The following PLEKHG4B variants were observed in gnomAD, a reference collection of about 807,000 sequenced individuals.
PLEKHG4B encodes the protein pleckstrin homology domain-containing family G member 4B.
A neutral mutation model predicts 121.3 loss-of-function variants in PLEKHG4B; 111 were observed. The ratio of observed to expected loss-of-function variants is 0.92; its 90% CI spans 0.78 to 1.07. The LOEUF (loss-of-function observed/expected upper bound fraction) is 1.07, where lower values mean the gene tolerates loss of function less well. Among genes scored for constraint, PLEKHG4B ranks in the 50% least tolerant of loss-of-function variants. The probability of loss-of-function intolerance (pLI) is 0.00; values close to 1 mark genes in which losing one functional copy is unlikely to be tolerated. For synonymous variants in PLEKHG4B, 738 were observed against 725.0 expected (o/e 1.02, Z -0.29); for missense variants, 1,831 against 1,757.8 (o/e 1.04, Z -0.74).
intron 1 of PLEKHG4B, among the ~76,000 whole-genome samples, chr5:94,052 A>G (rs1177830198): frequency 6.6e-6 from 1 of 152,154 alleles, no homozygotes; most frequent in African/African-American, 2.4e-5. Flanking sequence ...TCAGACCTCC[A>G]AGGTGGGGCT....
rs1735910325 is a variant in PLEKHG4B at position 159,222 on chromosome 5, TCGCCCAGG to T, written c.2487+2312_2487+2319del. ...AGGGTGGCCCAGGTGTGCCTGAGGG[TCGCCCAGG>T]TGCACTGAGGGCAGGTGTGCCTGAG... On this transcript the variant is annotated intron_variant, in intron 11 of 19. Coordinates refer to ENST00000637938, the MANE Select transcript of PLEKHG4B (RefSeq NM_052909.5). This position sits in a 1 kb window ranked among gnomAD's most constrained non-coding sequence, Gnocchi z 5.5. Among the ~76,000 whole-genome samples, 1 of 116,810 alleles carries T rather than the reference TCGCCCAGG, an allele frequency of 8.6e-6. No individual in the cohort carries two copies. Among genetic ancestry groups the T allele is most frequent in the Non-Finnish European group, 1.7e-5 (1 of 57,386 alleles). 76.6% of individuals were successfully genotyped at this position (116,810 alleles called of 152,430 possible). A position where few individuals can be genotyped will look rare whatever the true frequency, so the allele number is the denominator to read the frequency against.
intron 2 of PLEKHG4B, among the ~76,000 whole-genome samples, chr5:124,392 G>A (rs1734553666): frequency 6.6e-6 from 1 of 152,180 alleles, no homozygotes; most frequent in Non-Finnish European, 1.5e-5. Context: ...CTGTTAGATG[G>A]AGTTGATTTA....
At chr5:102,339 T>C (rs1733846443) in intron 1 of PLEKHG4B, among the ~76,000 whole-genome samples, 1 of 152,200 alleles carries the variant, frequency 6.6e-6, no homozygotes, top group Non-Finnish European at 1.5e-5. Context: ...TTTGACTATA[T>C]TTTGTAAATG....
At chr5:149,775 G>A (rs1735542662) in intron 6 of PLEKHG4B, among the ~76,000 whole-genome samples, 1 of 152,160 alleles carries the variant, frequency 6.6e-6, no homozygotes, top group East Asian at 1.9e-4. Context: ...ATGAAAAGAT[G>A]TTCAATGTCA....
At chr5:165,361 C>T (rs1346387906) in intron 13 of PLEKHG4B, among the ~76,000 whole-genome samples, 1 of 26,052 alleles carries the variant, frequency 3.8e-5, no homozygotes, top group Non-Finnish European at 8.7e-5. Context: ...AATGCTCTGA[C>T]GGGGCGGGGC....
At chr5:94,025 G>A (rs1395345695) in intron 1 of PLEKHG4B, among the ~76,000 whole-genome samples, 1 of 152,288 alleles carries the variant, frequency 6.6e-6, no homozygotes, top group South Asian at 2.1e-4. Flanking sequence ...GCCATCTAGA[G>A]CCTCCTAACT....
At chr5:95,713 A>G (rs1733610866) in intron 1 of PLEKHG4B, among the ~76,000 whole-genome samples, 1 of 152,186 alleles carries the variant, frequency 6.6e-6, no homozygotes, top group African/African-American at 2.4e-5. Flanking sequence ...TGTCAAGAAT[A>G]AAAATGACCC....
rs1736038010 is a variant in PLEKHG4B at position 162,269 on chromosome 5, CCACGCGCCCCAGACCGCACG to C, written c.2649+327_2649+346del. Among the ~76,000 whole-genome samples, 33 of 70,902 alleles carry C rather than the reference CCACGCGCCCCAGACCGCACG, an allele frequency of 4.7e-4. 1 individual carries two copies. In the South Asian group the frequency reaches 0.014, roughly 30 times the overall value. 46.5% of individuals were successfully genotyped at this position (70,902 alleles called of 152,430 possible). On this transcript the variant is annotated intron_variant, in intron 12 of 19. Coordinates refer to ENST00000637938, the MANE Select transcript of PLEKHG4B (RefSeq NM_052909.5). ...CAGCAGACTGCTCGCCTGCGAGCTC[CCACGCGCCCCAGACCGCACG>C]CCTGCGAGCTCCCCCGCGCCGGGGA...
Position 111,061 on chromosome 5 carries a change from C to T in PLEKHG4B, c.46-2190C>T, listed in dbSNP as rs112991825. ...TTACACTCCTTCGGAGTCCTGCACA[C>T]ACACTGCAGCTCCCTCATCATGAGC... is the stretch of plus-strand genomic sequence containing the variant. On this transcript the variant is annotated intron_variant, in intron 1 of 19. Coordinates refer to ENST00000637938, the MANE Select transcript of PLEKHG4B (RefSeq NM_052909.5). 3.0e-3 allele frequency among the ~76,000 whole-genome samples: 464 copies of T among 152,378 alleles called. 1 individual carries two copies. Among genetic ancestry groups the T allele is most frequent in the African/African-American group, 0.01 (419 of 41,590 alleles).
rs1381024456 is a variant in PLEKHG4B at position 156,771 on chromosome 5, A to T, written c.2349-2A>T. 1 of 1,550,200 alleles carries T rather than the reference A, an allele frequency of 6.5e-7. No individual in the cohort carries two copies. Among genetic ancestry groups the T allele is most frequent in the African/African-American group, 1.4e-5 (1 of 73,206 alleles). ...GCCTGAGGACTGCCTTCTCTTCCTC[A>T]GGGACACCCTGGAGGCCGCCACAAG... On this transcript the variant is annotated splice_acceptor_variant, in intron 10 of 19. Transcript: ENST00000637938. LOFTEE classifies it high-confidence loss of function. This position sits in a 1 kb window ranked among gnomAD's most constrained non-coding sequence, Gnocchi z 4.4.
chr5:169,303 G>A, intron 13 of PLEKHG4B, 37 bp from the exon 14 acceptor site: 1 of 1,610,280 alleles, frequency 6.2e-7, no homozygotes, highest in Non-Finnish European at 8.5e-7. Context: ...GTGTCCGTGG[G>A]GGGCCGTGTG....
chr5:134,131 A>G (rs1468889828), intron 2 of PLEKHG4B, among the ~76,000 whole-genome samples: 1 of 127,984 alleles, frequency 7.8e-6, no homozygotes, highest in African/African-American at 2.9e-5. Context: ...ATGTGATGGA[A>G]TACTACTCAG....
Position 163,102 on chromosome 5 carries a change from C to G in PLEKHG4B, c.3030C>G (p.Ser1010=), listed in dbSNP as rs201568013. 1.0e-5 allele frequency: 16 copies of G among 1,563,712 alleles called. No individual in the cohort carries two copies. Among genetic ancestry groups the G allele is most frequent in the Non-Finnish European group, 1.4e-5 (16 of 1,154,254 alleles). The change falls in exon 13 of 20, where the codon TCC becomes TCG. Residue 1010 remains serine, a synonymous_variant. Coordinates refer to ENST00000637938, the MANE Select transcript of PLEKHG4B (RefSeq NM_052909.5). ...CCTGGGAACCTGCGCAACCACTGTC[C>G]GGCCTCCCTGGACGAGCGCTTCTGT... ...GGAWEPAQPL[S]GLPGRALLCG... is the part of the protein sequence containing the mutation.
At position 140,635 on chromosome 5, in the gene PLEKHG4B, C is replaced by A; in HGVS notation, c.1396C>A (p.Pro466Thr). The A allele has an allele frequency of 6.2e-7, 1 of 1,609,988 alleles. No individual in the cohort carries two copies. Among genetic ancestry groups the A allele is most frequent in the Non-Finnish European group, 8.5e-7 (1 of 1,178,372 alleles). ...HTSHHSAGSR[P>T]GGHLGGQAVG... ...CTCCCACCACTCAGCAGGCTCCAGG[C>A]CTGGGGGCCACCTAGGAGGACAAGC... The change falls in exon 3 of 20, where the codon CCT becomes ACT. Residue 466 changes from proline to threonine, a missense_variant. Transcript: ENST00000637938.
chr5:166,453 C>T lies in PLEKHG4B; in HGVS notation c.3477-2887C>T, dbSNP rs544464386. On this transcript the variant is annotated intron_variant, in intron 13 of 19. Coordinates refer to ENST00000637938, the MANE Select transcript of PLEKHG4B (RefSeq NM_052909.5). ...GGCGGAGCTCACACTAATGCTCTGACGGGGCGGAGCTCACACTAATGCTCT... is the reference window on the plus strand; with the variant it reads ...GGCGGAGCTCACACTAATGCTCTGATGGGGCGGAGCTCACACTAATGCTCT... 3.9e-3 allele frequency among the ~76,000 whole-genome samples: 430 copies of T among 109,604 alleles called. 2 individuals carry two copies. Among genetic ancestry groups the T allele is most frequent in the African/African-American group, 0.016 (412 of 26,366 alleles). 71.9% of individuals were successfully genotyped at this position (109,604 alleles called of 152,430 possible). A position where few individuals can be genotyped will look rare whatever the true frequency, so the allele number is the denominator to read the frequency against.
intron 18 of PLEKHG4B, among the ~76,000 whole-genome samples, chr5:179,121 C>T (rs924119946): frequency 2.6e-5 from 4 of 152,154 alleles, no homozygotes; most frequent in African/African-American, 7.2e-5. Flanking sequence ...AGTGTTTACA[C>T]GACACATACT....
intron 1 of PLEKHG4B, among the ~76,000 whole-genome samples, chr5:95,630 C>T (rs1733608697): frequency 6.6e-6 from 1 of 152,166 alleles, no homozygotes; most frequent in African/African-American, 2.4e-5. Flanking sequence ...CCTTTGGTGG[C>T]TATGCAGATG....
At chr5:117,256 A>G (rs1008355455) in intron 2 of PLEKHG4B, among the ~76,000 whole-genome samples, 5 of 152,222 alleles carry the variant, frequency 3.3e-5, no homozygotes, top group Non-Finnish European at 5.9e-5. Context: ...CAGGAGAAAA[A>G]TGCATTTACC....
At chr5:131,929 C>T (rs2126382764) in intron 2 of PLEKHG4B, among the ~76,000 whole-genome samples, 1 of 152,186 alleles carries the variant, frequency 6.6e-6, no homozygotes, top group South Asian at 2.1e-4. Context: ...TTCTGATCAT[C>T]TCAATTGATG....
Sources: gnomAD v4.1 joint callset for allele counts (sites outside exome capture counted in the v4.1 genomes callset) on GRCh38, gnomAD v4.1.1 for gene constraint, Gnocchi (gnomAD v3.1) non-coding constraint, MANE v1.5 for transcripts, NCBI Gene and HGNC (gene_info 2026-07-23, HGNC 2026-07-21) for gene names.